Variants in SAMHD1 observed in about 807,000 individuals in gnomAD.
SAMHD1 encodes the protein SAM and HD domain containing deoxynucleoside triphosphate triphosphohydrolase 1.
In SAMHD1, 54 loss-of-function variants were observed where a neutral mutation model predicts 79.6. The ratio of observed to expected loss-of-function variants is 0.68; its 90% confidence interval spans 0.55 to 0.85. The LOEUF is 0.85. Among genes scored for constraint, SAMHD1 ranks in the 40% least tolerant of loss-of-function variants. The probability of loss-of-function intolerance (pLI) is 0.00; values close to 1 mark genes in which losing one functional copy is unlikely to be tolerated. For synonymous variants in SAMHD1, 260 were observed against 264.1 expected (o/e 0.98, Z 0.15); for missense variants, 663 against 782.7 (o/e 0.85, Z 1.82).
intron 1 of SAMHD1, among the ~76,000 whole-genome samples, chr20:36,949,529 G>A (rs1442406911): frequency 2.0e-5 from 3 of 151,126 alleles, no homozygotes; most frequent in Non-Finnish European, 2.9e-5. Context: ...GGCTGAGGCA[G>A]GCGGATCACG....
intron 14 of SAMHD1, 40 bp downstream of exon 14, chr20:36,898,400 A>G: frequency 7.1e-7 from 1 of 1,408,008 alleles, no homozygotes. Context: ...AAGATTTGCT[A>G]CATGCCACTA....
At chr20:36,901,717 CAG>C (rs1260298188) in intron 13 of SAMHD1, among the ~76,000 whole-genome samples, 1 of 152,122 alleles carries the variant, frequency 6.6e-6, no homozygotes, top group Admixed American at 6.6e-5. Flanking sequence ...GCCTGGGCAA[CAG>C]AGTGAGACCT....
At chr20:36,932,008 G>A (rs6124459) in intron 4 of SAMHD1, among the ~76,000 whole-genome samples, 33,551 of 151,712 alleles carry the variant, frequency 0.22, 4,437 homozygotes, top group East Asian at 0.46. Flanking sequence ...GGCCGGGTGC[G>A]GTGGCTTATG....
intron 2 of SAMHD1, 38 bp from the exon 3 acceptor site, chr20:36,941,149 T>A: frequency 1.5e-6 from 2 of 1,351,474 alleles, no homozygotes; most frequent in Non-Finnish European, 2.1e-6. Flanking sequence ...TATCATTATT[T>A]GCTTAATAAT....
chr20:36,894,121 T>A (rs1157043270), intron 15 of SAMHD1: 1 of 395,824 alleles, frequency 2.5e-6, no homozygotes, highest in East Asian at 3.6e-5. Flanking sequence ...ATCACTGTCC[T>A]CTATGCTCAT....
rs1568788243 is a variant in SAMHD1 at position 36,951,424 on chromosome 20, C to CGG, written c.208+10_208+11dup. ...GCCGCCCTTCGCCCCTCAGCCCCTC[C>CGG]GGAGCCGCTACCTCGGATGTTCTTC... is the stretch of plus-strand genomic sequence containing the variant. On this transcript the variant is annotated intron_variant, in intron 1 of 15. Transcript: ENST00000646673. 6.2e-7 allele frequency: 1 copy of CGG among 1,613,334 alleles called. No homozygotes were observed.
At chr20:36,944,787 G>A (rs73620247) in intron 2 of SAMHD1, among the ~76,000 whole-genome samples, 60 of 151,838 alleles carry the variant, frequency 4.0e-4, no homozygotes, top group East Asian at 3.9e-4. Context: ...CCAGCTACTC[G>A]GGAGGCTGAG....
chr20:36,947,578 G>T (rs2063702054), intron 1 of SAMHD1, among the ~76,000 whole-genome samples: 1 of 151,112 alleles, frequency 6.6e-6, no homozygotes, highest in African/African-American at 2.4e-5. Flanking sequence ...GTGTGTGTGT[G>T]TGTGTGTGTG....
At position 36,951,627 on chromosome 20, in the gene SAMHD1, G is replaced by C; in HGVS notation, c.17C>G (p.Ser6Cys). The C allele has an allele frequency of 6.2e-7, 1 of 1,613,808 alleles. No homozygotes were observed. Among genetic ancestry groups the C allele is most frequent in the South Asian group, 1.1e-5 (1 of 91,080 alleles). Residue 6 changes from serine (S) to cysteine (C), a missense_variant, in exon 1 of 16, where the codon TCC (serine) becomes TGC (cysteine). Physicochemically the swap from Ser to Cys is moderately radical, Grantham distance 112. Coordinates refer to ENST00000646673, the MANE Select transcript of SAMHD1 (RefSeq NM_015474.4). The part of the protein sequence containing the change: MQRAD[S>C]EQPSKRPRCD... Reference sequence around the variant, plus strand: ...ACGGGGACGCTTGGAGGGCTGCTCGGAATCGGCTCGCTGCATGGCTACACC... The same window carrying C: ...ACGGGGACGCTTGGAGGGCTGCTCGCAATCGGCTCGCTGCATGGCTACACC...
chr20:36,947,621 CAATT>C (rs1288069217), intron 1 of SAMHD1, among the ~76,000 whole-genome samples: 2 of 149,430 alleles, frequency 1.3e-5, no homozygotes, highest in African/African-American at 2.5e-5. Flanking sequence ...TCTTTCTATA[CAATT>C]AATTCTAATC....
intron 2 of SAMHD1, among the ~76,000 whole-genome samples, chr20:36,941,548 G>A (rs6130160): frequency 1.3e-5 from 2 of 152,108 alleles, no homozygotes; most frequent in East Asian, 1.9e-4. Flanking sequence ...ATTTTCCATT[G>A]TCAGTACTCC....
intron 6 of SAMHD1, among the ~76,000 whole-genome samples, chr20:36,921,909 C>T (rs995440540): frequency 1.3e-5 from 2 of 152,010 alleles, no homozygotes; most frequent in Admixed American, 6.6e-5. Flanking sequence ...GGCTGGTCTC[C>T]AACTTCTGAC....
intron 6 of SAMHD1, among the ~76,000 whole-genome samples, chr20:36,922,087 T>C (rs2063509522): frequency 6.6e-6 from 1 of 152,168 alleles, no homozygotes; most frequent in Non-Finnish European, 1.5e-5. Flanking sequence ...TTCCACAAAA[T>C]AGCTCAGTTG....
intron 1 of SAMHD1, among the ~76,000 whole-genome samples, chr20:36,947,551 G>GTGTGT (rs2063701110): frequency 2.2e-4 from 17 of 75,770 alleles, no homozygotes; most frequent in African/African-American, 1.0e-3. Flanking sequence ...TTGGAAGAGG[G>GTGTGT]GTGTGTGTGT....
intron 15 of SAMHD1, chr20:36,897,576 A>G (rs1368458296): frequency 3.6e-6 from 2 of 553,078 alleles, no homozygotes; most frequent in East Asian, 3.2e-5. Flanking sequence ...CATTATTTAC[A>G]TGTTCACATT....
At chr20:36,918,230 C>T (rs941759427) in intron 7 of SAMHD1, among the ~76,000 whole-genome samples, 2 of 151,854 alleles carry the variant, frequency 1.3e-5, no homozygotes, top group Admixed American at 6.6e-5. Flanking sequence ...GGATTACAGG[C>T]ATGAGTCACT....
intron 6 of SAMHD1, among the ~76,000 whole-genome samples, chr20:36,923,972 A>C (rs892925530): frequency 2.0e-5 from 3 of 152,148 alleles, no homozygotes; most frequent in Admixed American, 6.6e-5. Flanking sequence ...AGGACTGGCC[A>C]GGTGTGGTGG....
chr20:36,913,068 C>G (rs1469606198), intron 9 of SAMHD1, among the ~76,000 whole-genome samples: 1 of 146,236 alleles, frequency 6.8e-6, no homozygotes, highest in Admixed American at 6.8e-5. Flanking sequence ...GCCATCTCGG[C>G]TCACTGCAAG....
intron 6 of SAMHD1, among the ~76,000 whole-genome samples, chr20:36,923,090 T>A (rs1411469472): frequency 2.6e-5 from 4 of 152,164 alleles, no homozygotes; most frequent in Non-Finnish European, 5.9e-5. Flanking sequence ...AAGCTCCGCC[T>A]CCTGGGTTCA....
Sources: gnomAD v4.1 joint callset for allele counts (sites outside exome capture counted in the v4.1 genomes callset) on GRCh38, gnomAD v4.1.1 for gene constraint, MANE v1.5 for transcripts, NCBI Gene and HGNC (gene_info 2026-07-23, HGNC 2026-07-21) for gene names.